GABRB2: variants seen among roughly 807,000 people sequenced by gnomAD.
GABRB2 encodes gamma-aminobutyric acid receptor subunit beta-2.
Under a neutral mutation model 54.7 loss-of-function variants are expected in GABRB2, and 16 were observed. The observed-to-expected ratio is 0.29, with a 90% CI of 0.20 to 0.44. The LOEUF is 0.44. Among genes scored for constraint, GABRB2 ranks in the 20% least tolerant of loss-of-function variants. The pLI, the probability that GABRB2 is intolerant of heterozygous loss-of-function variation, is 1.00. For missense variants in GABRB2, 355 were observed against 644.0 expected, an observed-to-expected ratio of 0.55 and a Z score of 4.86; for synonymous variants, 244 against 233.8, an observed-to-expected ratio of 1.04 and a Z score of -0.40.
chr5:161,368,634 T>C (rs1282689378), intron 5 of GABRB2, among the ~76,000 whole-genome samples: 2 of 152,182 alleles, frequency 1.3e-5, no homozygotes, highest in African/African-American at 4.8e-5. Context: ...TCTGCACACC[T>C]GGACAAACTG....
chr5:161,312,018 TTG>T (rs3222105), intron 9 of GABRB2, among the ~76,000 whole-genome samples: 20,283 of 148,744 alleles, frequency 0.14, 1,482 homozygotes, highest in Middle Eastern at 0.18. Context: ...CAGTAATGTT[TTG>T]TGTGTGTGTG....
intron 5 of GABRB2, among the ~76,000 whole-genome samples, chr5:161,366,525 A>G (rs984063002): frequency 1.3e-5 from 2 of 152,222 alleles, no homozygotes; most frequent in African/African-American, 4.8e-5. Context: ...ATGCCAGTCA[A>G]TCTGGGTACC....
chr5:161,395,608 G>A (rs938353034), intron 5 of GABRB2, among the ~76,000 whole-genome samples: 7 of 152,168 alleles, frequency 4.6e-5, no homozygotes, highest in African/African-American at 1.4e-4. Flanking sequence ...GGTACTTTGA[G>A]AGAGGGAAAT....
intron 3 of GABRB2, among the ~76,000 whole-genome samples, chr5:161,534,122 A>G (rs1409136265): frequency 6.6e-6 from 1 of 152,216 alleles, no homozygotes; most frequent in East Asian, 1.9e-4. Flanking sequence ...AAAGCACAGC[A>G]CAATTTTTTA....
In GABRB2 at chr5:161,546,423, G is replaced by T. The variant is rs776857449; in HGVS notation, c.78-10C>A. 1 of 1,610,626 alleles carries T rather than the reference G, an allele frequency of 6.2e-7. No individual in the cohort carries two copies. Among genetic ancestry groups the T allele is most frequent in the Non-Finnish European group, 8.5e-7 (1 of 1,176,838 alleles). ...ACTAGGGTCATTGACACTAAAGAAAGAAATGACAATAAGCAGGCATCAATA... is the reference window on the plus strand; with the variant it reads ...ACTAGGGTCATTGACACTAAAGAAATAAATGACAATAAGCAGGCATCAATA... On this transcript the variant is annotated splice_polypyrimidine_tract_variant and intron_variant, in intron 1 of 9. Coordinates refer to ENST00000393959, the MANE Select transcript of GABRB2 (RefSeq NM_001371727.1).
intron 3 of GABRB2, among the ~76,000 whole-genome samples, chr5:161,535,609 A>C (rs1177039798): frequency 6.6e-6 from 1 of 152,220 alleles, no homozygotes; most frequent in Admixed American, 6.5e-5. Flanking sequence ...TGAACAAATC[A>C]TTTAACCTCT....
chr5:161,459,889 A>T, intron 3 of GABRB2, 45 bp from the exon 4 acceptor site: 19 of 1,089,096 alleles, frequency 1.7e-5, no homozygotes, highest in African/African-American at 3.1e-5. Context: ...ACACCCAGAC[A>T]GATCTGGGGG....
intron 9 of GABRB2, among the ~76,000 whole-genome samples, chr5:161,296,453 A>G (rs1757383107): frequency 6.6e-6 from 1 of 152,230 alleles, no homozygotes. Flanking sequence ...GACCTGGCTG[A>G]GTTCAAACTA....
In GABRB2 at chr5:161,517,462, T is replaced by A. The variant is rs146584517; in HGVS notation, c.237+27765A>T. Among the ~76,000 whole-genome samples the A allele has an allele frequency of 2.0e-5, 3 of 152,352 alleles. No homozygotes were observed. In the East Asian group the frequency reaches 5.8e-4, roughly 29 times the overall value. On this transcript the variant is annotated intron_variant, in intron 3 of 9. Transcript: ENST00000393959. ...TAAATAACTACTGTTTTGTTTCTTTTTCCCCAGTGACATAGGTTGAAGTCA... is the reference window on the plus strand; with the variant it reads ...TAAATAACTACTGTTTTGTTTCTTTATCCCCAGTGACATAGGTTGAAGTCA...
upstream of GABRB2, among the ~76,000 whole-genome samples, chr5:161,547,735 G>T (rs1263120991): frequency 1.3e-5 from 2 of 152,118 alleles, no homozygotes. Flanking sequence ...CGCAGGTGCG[G>T]GGGACTGGAG....
At chr5:161,495,315 A>G (rs1356885254) in intron 3 of GABRB2, among the ~76,000 whole-genome samples, 1 of 152,032 alleles carries the variant, frequency 6.6e-6, no homozygotes, top group African/African-American at 2.4e-5. Flanking sequence ...TCAAAAATAA[A>G]TATAACAATA....
At chr5:161,440,406 A>T (rs1301592476) in intron 4 of GABRB2, among the ~76,000 whole-genome samples, 1 of 152,208 alleles carries the variant, frequency 6.6e-6, no homozygotes, top group Non-Finnish European at 1.5e-5. Flanking sequence ...AAGGTATTCC[A>T]TGCCAGCGGA....
intron 3 of GABRB2, among the ~76,000 whole-genome samples, chr5:161,506,605 TG>T (rs1680758180): frequency 6.6e-6 from 1 of 152,150 alleles, no homozygotes; most frequent in East Asian, 1.9e-4. Context: ...CATGCTATAA[TG>T]ACAGACCTGA....
chr5:161,313,398 C>A (rs1001977567), intron 9 of GABRB2, among the ~76,000 whole-genome samples: 1 of 151,716 alleles, frequency 6.6e-6, no homozygotes, highest in Non-Finnish European at 1.5e-5. Flanking sequence ...TGGAATGTAC[C>A]TTTTACTGTG....
intron 3 of GABRB2, among the ~76,000 whole-genome samples, chr5:161,480,587 G>A (rs1191957906): frequency 6.6e-6 from 1 of 151,828 alleles, no homozygotes; most frequent in Admixed American, 6.6e-5. Flanking sequence ...TGGCATTGGT[G>A]GTAATTATTT....
Position 161,454,760 on chromosome 5 carries a change from G to A in GABRB2, c.458+4864C>T, listed in dbSNP as rs146198359. 8.9e-3 allele frequency among the ~76,000 whole-genome samples: 1,348 copies of A among 152,088 alleles called. 10 individuals carry two copies. Among genetic ancestry groups the A allele is most frequent in the Non-Finnish European group, 0.015 (1,026 of 67,986 alleles). On this transcript the variant is annotated intron_variant, in intron 4 of 9. Coordinates refer to ENST00000393959, the MANE Select transcript of GABRB2 (RefSeq NM_001371727.1). The stretch of plus-strand genomic sequence containing the variant: ...ATTCACCCCTCTTCCTATGAATGAG[G>A]ACAATAAAACCTGGAAAATATGCTT...
chr5:161,472,438 A>G (rs1051110491), intron 3 of GABRB2, among the ~76,000 whole-genome samples: 1 of 150,928 alleles, frequency 6.6e-6, no homozygotes, highest in South Asian at 2.1e-4. Context: ...GCACACACAC[A>G]CATGCATACG....
At chr5:161,463,576 T>TATAG (rs1758190524) in intron 3 of GABRB2, among the ~76,000 whole-genome samples, 3 of 122,784 alleles carry the variant, frequency 2.4e-5, no homozygotes, top group Non-Finnish European at 3.4e-5. Context: ...TATATATATA[T>TATAG]ATATATATAT....
At chr5:161,547,202 G>T (rs987398552), upstream of GABRB2, 1 of 144,080 alleles carries the variant, frequency 6.9e-6, no homozygotes, top group African/African-American at 2.6e-5. Flanking sequence ...ACTGGGATGG[G>T]GGGGGCGGGG....
Sources: gnomAD v4.1 joint callset for allele counts (sites outside exome capture counted in the v4.1 genomes callset) on GRCh38, gnomAD v4.1.1 for gene constraint, MANE v1.5 for transcripts, NCBI Gene and HGNC (gene_info 2026-07-23, HGNC 2026-07-21) for gene names.